The following RANBP2 variants were observed in gnomAD, a reference collection of about 807,000 sequenced individuals.
RANBP2 encodes E3 SUMO-protein ligase RanBP2.
RANBP2 carries 57 observed loss-of-function variants against 303.6 expected under a neutral mutation model. That is an observed-to-expected ratio of 0.19 (90% CI 0.15 to 0.23). The LOEUF is 0.23. Ranked by LOEUF, RANBP2 falls within the 10% of genes least tolerant of loss-of-function variation. The probability of loss-of-function intolerance (pLI) is 1.00; values close to 1 mark genes in which losing one functional copy is unlikely to be tolerated. For missense variants in RANBP2, 3,138 were observed against 3,780.8 expected (o/e 0.83, Z 4.46); for synonymous variants, 1,167 against 1,301.5 (o/e 0.90, Z 2.23).
chr2:108,970,099 G>C, the RANBP2 span, among the ~76,000 whole-genome samples: 1 of 152,204 alleles, frequency 6.6e-6, no homozygotes, highest in Non-Finnish European at 1.5e-5. Context: ...TGACGGATGG[G>C]TAGTGTGGCC....
At chr2:109,253,146 G>A in the RANBP2 span, among the ~76,000 whole-genome samples, 9 of 152,140 alleles carry the variant, frequency 5.9e-5, no homozygotes, top group East Asian at 1.5e-3. Flanking sequence ...TCCTGCCTCA[G>A]CCTTCTGAGT....
the RANBP2 span, chr2:109,347,614 C>G: frequency 9.5e-6 from 15 of 1,573,650 alleles, no homozygotes; most frequent in Non-Finnish European, 1.3e-5. Flanking sequence ...CCCGGCAGAT[C>G]CACTGTGGGG....
chr2:109,596,622 GAAA>G, the RANBP2 span, among the ~76,000 whole-genome samples: 1 of 121,754 alleles, frequency 8.2e-6, no homozygotes, highest in South Asian at 2.6e-4. Flanking sequence ...CTCAAAAAAA[GAAA>G]AAAAAAAAGA....
chr2:109,420,177 C>G, the RANBP2 span, among the ~76,000 whole-genome samples: 1 of 152,202 alleles, frequency 6.6e-6, no homozygotes, highest in Non-Finnish European at 1.5e-5. Context: ...AAAATCTGCC[C>G]AGTTAAATTA....
At chr2:109,344,318 C>T in the RANBP2 span, among the ~76,000 whole-genome samples, 3 of 151,888 alleles carry the variant, frequency 2.0e-5, no homozygotes, top group African/African-American at 7.3e-5. Flanking sequence ...CAGGTGGTGA[C>T]GGGGGAGCAG....
At chr2:109,131,981 A>G in the RANBP2 span, among the ~76,000 whole-genome samples, 1 of 152,172 alleles carries the variant, frequency 6.6e-6, no homozygotes, top group South Asian at 2.1e-4. Flanking sequence ...CGGGAGTGGG[A>G]AGGATTGTAA....
At chr2:109,677,989 A>G in the RANBP2 span, among the ~76,000 whole-genome samples, 1 of 152,122 alleles carries the variant, frequency 6.6e-6, no homozygotes, top group Non-Finnish European at 1.5e-5. Flanking sequence ...AGGGGACTGA[A>G]ATGGGCATCA....
At chr2:109,585,652 C>T in the RANBP2 span, 5 of 1,035,608 alleles carry the variant, frequency 4.8e-6, no homozygotes, top group African/African-American at 6.3e-5. Flanking sequence ...TTGTTCTGCC[C>T]ATGACAAGAA....
the RANBP2 span, among the ~76,000 whole-genome samples, chr2:109,410,338 C>G: frequency 6.6e-6 from 1 of 152,244 alleles, no homozygotes; most frequent in Admixed American, 6.5e-5. Context: ...GAGAGAGATG[C>G]AGGAGCAATG....
chr2:108,922,814 C>A, the RANBP2 span, among the ~76,000 whole-genome samples: 1 of 152,158 alleles, frequency 6.6e-6, no homozygotes, highest in Non-Finnish European at 1.5e-5. Flanking sequence ...GGCAGAGGTA[C>A]CTGGCCCTTC....
the RANBP2 span, among the ~76,000 whole-genome samples, chr2:109,597,861 T>C: frequency 6.6e-6 from 1 of 152,272 alleles, no homozygotes; most frequent in South Asian, 2.1e-4. Context: ...ACACAATTCA[T>C]CCTAGGGCCC....
the RANBP2 span, among the ~76,000 whole-genome samples, chr2:109,056,035 G>T: frequency 1.9e-4 from 29 of 152,320 alleles, no homozygotes; most frequent in African/African-American, 6.0e-4. Context: ...TGGGATTACA[G>T]GCGTGAGCCA....
At chr2:109,544,680 T>C in the RANBP2 span, 2 of 894,020 alleles carry the variant, frequency 2.2e-6, no homozygotes, top group African/African-American at 1.8e-5. Context: ...AAAAGATCCA[T>C]TAGCTTTAAA....
At chr2:109,323,901 C>T in the RANBP2 span, among the ~76,000 whole-genome samples, 1 of 152,230 alleles carries the variant, frequency 6.6e-6, no homozygotes, top group Non-Finnish European at 1.5e-5. Context: ...ACCACCATCA[C>T]TGTCTAATTT....
chr2:109,760,409 C>T, the RANBP2 span: 1 of 270,130 alleles, frequency 3.7e-6, no homozygotes, highest in South Asian at 1.9e-4. Context: ...GGGGCGGCGG[C>T]GGCGGCGGCG....
the RANBP2 span, among the ~76,000 whole-genome samples, chr2:109,569,305 C>T: frequency 6.6e-6 from 1 of 151,962 alleles, no homozygotes; most frequent in Non-Finnish European, 1.5e-5. Flanking sequence ...GTGGCACATG[C>T]CTGTAATCCC....
chr2:109,241,650 C>T, the RANBP2 span, among the ~76,000 whole-genome samples: 4 of 152,144 alleles, frequency 2.6e-5, no homozygotes, highest in Non-Finnish European at 5.9e-5. Flanking sequence ...GTCTCCCCGC[C>T]TCGCCATGGT....
At position 108,764,100 on chromosome 2, in the gene RANBP2, T is replaced by C. The variant is rs2149273191; in HGVS notation, c.3561T>C (p.Gly1187=). ...CTGATAAGATTGAAGTAAAAACTGG[T>C]GAGGAAGATGAAGAAGAATTCTTTT... ...PLPDKIEVKT[G]EEDEEEFFCN... The change falls in exon 20 of 29, where the codon GGT becomes GGC. Residue 1187 remains glycine, a synonymous_variant. Coordinates refer to ENST00000283195, the MANE Select transcript of RANBP2 (RefSeq NM_006267.5). The C allele has an allele frequency of 6.2e-7, 1 of 1,613,964 alleles. No homozygotes were observed. The highest frequency in any genetic ancestry group is 8.5e-7 in the Non-Finnish European group (1 of 1,179,948).
rs148149640 is a variant in RANBP2 at position 108,736,169 on chromosome 2, C to G, written c.702C>G (p.Asp234Glu). 1.6e-4 allele frequency: 253 copies of G among 1,611,954 alleles called. No homozygotes were observed. The highest frequency in any genetic ancestry group is 1.1e-3 in the Middle Eastern group (5 of 4,428). ...GTGACTGGCGAGCAACCAATACAGA[C>G]TTACTGCTGGCCTATGCTAATCTTA... is the stretch of plus-strand genomic sequence containing the variant. ...DKSDWRATNTDLLLAYANLML... is the reference protein window; with the variant it reads ...DKSDWRATNTELLLAYANLML... Residue 234 changes from aspartate (D) to glutamate (E), a missense_variant, in exon 6 of 29, where the codon GAC (aspartate) becomes GAG (glutamate). This residue lies in a region of RANBP2 where 306 missense variants were observed against 381.9 expected (regional missense o/e 0.80). Transcript: ENST00000283195.
Sources: gnomAD v4.1 joint callset for allele counts (sites outside exome capture counted in the v4.1 genomes callset) on GRCh38, gnomAD v4.1.1 for gene constraint, gnomAD v4.1.1 regional missense constraint, MANE v1.5 for transcripts, NCBI Gene and HGNC (gene_info 2026-07-23, HGNC 2026-07-21) for gene names.